The following SLC8A2 variants were observed in gnomAD, a reference collection of about 807,000 sequenced individuals.
SLC8A2 encodes solute carrier family 8 member A2, also known as sodium/calcium exchanger 2.
Under a neutral mutation model 70.2 loss-of-function variants are expected in SLC8A2, and 14 were observed. The ratio of observed to expected loss-of-function variants is 0.20; its 90% CI spans 0.13 to 0.31. SLC8A2 has a LOEUF of 0.31. SLC8A2 is among the 10% of genes least tolerant of loss of function. The pLI, the probability that SLC8A2 is intolerant of heterozygous loss-of-function variation, is 1.00. For synonymous variants in SLC8A2, 575 were observed against 594.3 expected (o/e 0.97, Z 0.47); for missense variants, 779 against 1,320.1 (o/e 0.59, Z 6.35).
chr19:47,430,115 CCT>C lies in SLC8A2; in HGVS notation c.2738_2739del (p.Glu913GlyfsTer59). On this transcript the variant is annotated frameshift_variant, in exon 10 of 10. Coordinates refer to ENST00000236877, the MANE Select transcript of SLC8A2 (RefSeq NM_015063.3). LOFTEE classifies it high-confidence loss of function. The surrounding 1 kb of genome is among the most constrained non-coding windows in gnomAD (Gnocchi z 5.9). ...WLLYILFASL[E>X]AYCHIRGF ...TAGAAGCCCCGGATGTGGCAGTACG[CCT>C]CCAGGCTGGCGAAGAGGATGTACAG... The C allele has an allele frequency of 1.3e-6, 2 of 1,591,258 alleles. No individual in the cohort carries two copies. Among genetic ancestry groups the C allele is most frequent in the Non-Finnish European group, 1.7e-6 (2 of 1,168,692 alleles).
At position 47,447,355 on chromosome 19, in the gene SLC8A2, G is replaced by T; in HGVS notation, c.1763+454C>A. 1 of 203,072 alleles carries T rather than the reference G, an allele frequency of 4.9e-6. No individual in the cohort carries two copies. Among genetic ancestry groups the T allele is most frequent in the Non-Finnish European group, 1.0e-5 (1 of 100,414 alleles). The allele number at this position is 203,072 out of a possible 1,614,324, so 12.6% of individuals were successfully genotyped here. ...CACACTCCACGAGCTACCAATTAAG[G>T]CCCCACACCGCTCTCCCCAGGCCCC... On this transcript the variant is annotated intron_variant, in intron 4 of 9. Coordinates refer to ENST00000236877, the MANE Select transcript of SLC8A2 (RefSeq NM_015063.3). This position sits in a 1 kb window ranked among gnomAD's most constrained non-coding sequence, Gnocchi z 5.1.
chr19:47,445,762 G>T (rs1291204025), intron 4 of SLC8A2, among the ~76,000 whole-genome samples: 1 of 152,180 alleles, frequency 6.6e-6, no homozygotes, highest in South Asian at 2.1e-4. Context: ...CCGTAAGGTT[G>T]CAGCAGCAGG....
intron 4 of SLC8A2, 128 bp from the exon 5 acceptor site, chr19:47,441,568 T>C (rs1273744652): frequency 1.6e-6 from 1 of 615,650 alleles, no homozygotes; most frequent in African/African-American, 1.8e-5. Context: ...CACAATCTCA[T>C]TTACTTCTCA....
chr19:47,451,005 C>CTTTTT (rs71180844), intron 3 of SLC8A2, among the ~76,000 whole-genome samples: 7 of 80,236 alleles, frequency 8.7e-5, no homozygotes, highest in African/African-American at 2.6e-4. Context: ...GTAGCACTAT[C>CTTTTT]TTTTTTTTTT....
rs929130798 is a variant in SLC8A2 at position 47,447,538 on chromosome 19, G to C, written c.1763+271C>G. The stretch of plus-strand genomic sequence containing the variant: ...AGCACACCTAGGCCCCGCCCCTCCC[G>C]AGGCCAAGCCCACTTTGGAGAACGA... On this transcript the variant is annotated intron_variant, in intron 4 of 9. Coordinates refer to ENST00000236877, the MANE Select transcript of SLC8A2 (RefSeq NM_015063.3). The surrounding 1 kb of genome is among the most constrained non-coding windows in gnomAD (Gnocchi z 5.1). The C allele has an allele frequency of 2.9e-5, 12 of 412,616 alleles. No homozygotes were observed. The highest frequency in any genetic ancestry group is 6.2e-5 in the South Asian group (2 of 32,064). The allele number at this position is 412,616 out of a possible 1,614,324, so 25.6% of individuals were successfully genotyped here. A position where few individuals can be genotyped will look rare whatever the true frequency, so the allele number is the denominator to read the frequency against.
At chr19:47,431,597 C>T (rs542623083) in intron 9 of SLC8A2, among the ~76,000 whole-genome samples, 58 of 142,992 alleles carry the variant, frequency 4.1e-4, no homozygotes, top group Non-Finnish European at 7.7e-4. Flanking sequence ...TGCAGTGAGC[C>T]GAGATCACAA....
At position 47,453,351 on chromosome 19, in the gene SLC8A2, G is replaced by T. The variant is rs76960638; in HGVS notation, c.1340+3579C>A. 9.5e-3 allele frequency among the ~76,000 whole-genome samples: 1,447 copies of T among 152,336 alleles called. 23 individuals carry two copies. Among genetic ancestry groups the T allele is most frequent in the South Asian group, 0.05 (240 of 4,830 alleles). On this transcript the variant is annotated intron_variant, in intron 3 of 9. Coordinates refer to ENST00000236877, the MANE Select transcript of SLC8A2 (RefSeq NM_015063.3). ...ATATGGTGGTTTTATGCAGTGCACA[G>T]CTTCAACAACTGTACATGGCAGACC...
chr19:47,459,772 T>C (rs1433713297), intron 2 of SLC8A2, among the ~76,000 whole-genome samples: 1 of 152,012 alleles, frequency 6.6e-6, no homozygotes, highest in Non-Finnish European at 1.5e-5. Flanking sequence ...TGCATGTGTG[T>C]GCATGTGTGT....
intron 4 of SLC8A2, among the ~76,000 whole-genome samples, chr19:47,446,249 G>A (rs1292687111): frequency 1.3e-5 from 2 of 151,168 alleles, no homozygotes; most frequent in East Asian, 2.0e-4. Context: ...GAAGAGAGCG[G>A]GCAGAGGAGG....
rs1163238653 is a variant in SLC8A2, at chr19:47,432,665, C to A, written c.2111-220G>T. ...ATTGGGCCCAGGTGAAAAATATTTACTTTCCCAGAATCCTTTGGATCTAAA... is the reference window on the plus strand; with the variant it reads ...ATTGGGCCCAGGTGAAAAATATTTAATTTCCCAGAATCCTTTGGATCTAAA... On this transcript the variant is annotated intron_variant, in intron 8 of 9. Coordinates refer to ENST00000236877, the MANE Select transcript of SLC8A2 (RefSeq NM_015063.3). The surrounding 1 kb of genome is among the most constrained non-coding windows in gnomAD (Gnocchi z 6.2). 1 of 475,984 alleles carries A rather than the reference C, an allele frequency of 2.1e-6. No individual in the cohort carries two copies. The highest frequency in any genetic ancestry group is 4.5e-4 in the Middle Eastern group (1 of 2,206). The allele number at this position is 475,984 out of a possible 1,614,324, so 29.5% of individuals were successfully genotyped here. A position where few individuals can be genotyped will look rare whatever the true frequency, so the allele number is the denominator to read the frequency against.
chr19:47,457,422 T>C lies in SLC8A2; in HGVS notation c.848A>G (p.Asp283Gly), dbSNP rs749468328. 1 of 1,595,630 alleles carries C rather than the reference T, an allele frequency of 6.3e-7. No homozygotes were observed. The highest frequency in any genetic ancestry group is 8.5e-7 in the Non-Finnish European group (1 of 1,173,064). Residue 283 changes from aspartate (D) to glycine (G), a missense_variant, in exon 3 of 10, where the codon GAC becomes GGC. By Grantham distance (94) the Asp-to-Gly change is moderately conservative (BLOSUM62 -1). Coordinates refer to ENST00000236877, the MANE Select transcript of SLC8A2 (RefSeq NM_015063.3). ...EGDPPKSIEL[D>G]GTFVGAEAPG... ...GGCCTCGGCGCCCACGAACGTGCCG[T>C]CCAGCTCGATGCTCTTCGGGGGGTC...
rs909806752 is a variant in SLC8A2 at position 47,430,702 on chromosome 19, C to G, written c.2390-237G>C. Among the ~76,000 whole-genome samples the G allele has an allele frequency of 6.6e-6, 1 of 152,234 alleles. No homozygotes were observed. Among genetic ancestry groups the G allele is most frequent in the African/African-American group, 2.4e-5 (1 of 41,476 alleles). ...CCGCCTGCTTTCTGTGGGATTCATT[C>G]TCTTCTATGGGACTCACTGCGTGAT... On this transcript the variant is annotated intron_variant, in intron 9 of 9. Transcript: ENST00000236877. This position sits in a 1 kb window ranked among gnomAD's most constrained non-coding sequence, Gnocchi z 5.9.
chr19:47,434,678 G>C (rs1304562173), intron 8 of SLC8A2, among the ~76,000 whole-genome samples: 2 of 152,104 alleles, frequency 1.3e-5, no homozygotes, highest in African/African-American at 4.8e-5. Flanking sequence ...TAGGAAGGGA[G>C]GTAAAGGAAG....
chr19:47,471,692 A>C (rs906368609), intron 1 of SLC8A2, 97 bp downstream of exon 1: 1 of 152,016 alleles, frequency 6.6e-6, no homozygotes, highest in Non-Finnish European at 1.5e-5. Flanking sequence ...AGCCCAGGGA[A>C]GCCAGCTCCA....
At chr19:47,443,086 G>A (rs573739767) in intron 4 of SLC8A2, among the ~76,000 whole-genome samples, 67 of 152,156 alleles carry the variant, frequency 4.4e-4, no homozygotes, top group African/African-American at 1.6e-3. Context: ...GTTCCCCCAG[G>A]TAAGTTCATT....
intron 3 of SLC8A2, among the ~76,000 whole-genome samples, chr19:47,449,454 T>G (rs553287251): frequency 6.6e-6 from 1 of 152,240 alleles, no homozygotes; most frequent in South Asian, 2.1e-4. Flanking sequence ...CCCGAGCAGC[T>G]GGGACTACAG....
intron 2 of SLC8A2, among the ~76,000 whole-genome samples, chr19:47,463,905 G>A (rs1325440640): frequency 3.3e-5 from 5 of 152,046 alleles, no homozygotes; most frequent in African/African-American, 1.2e-4. Context: ...TTTTACAGTT[G>A]AGGAAACTGA....
At chr19:47,461,246 C>T (rs1168423596) in intron 2 of SLC8A2, among the ~76,000 whole-genome samples, 4 of 150,982 alleles carry the variant, frequency 2.6e-5, no homozygotes, top group African/African-American at 4.9e-5. Context: ...CAGTGGCTCA[C>T]GCCTATAATC....
Sources: gnomAD v4.1 joint callset for allele counts (sites outside exome capture counted in the v4.1 genomes callset) on GRCh38, gnomAD v4.1.1 for gene constraint, Gnocchi (gnomAD v3.1) non-coding constraint, MANE v1.5 for transcripts, NCBI Gene and HGNC (gene_info 2026-07-23, HGNC 2026-07-21) for gene names.